Variants in MAP2K5 observed in about 807,000 individuals in gnomAD.
The protein encoded by MAP2K5 is dual specificity mitogen-activated protein kinase kinase 5.
Under a neutral mutation model 83.1 loss-of-function variants are expected in MAP2K5, and 49 were observed. That is an observed-to-expected ratio of 0.59 (90% CI 0.47 to 0.75). The LOEUF (loss-of-function observed/expected upper bound fraction) is 0.75. MAP2K5 is among the 30% of genes least tolerant of loss of function. MAP2K5 has a pLI of 0.00. For synonymous variants in MAP2K5, 202 were observed against 191.8 expected, an observed-to-expected ratio of 1.05 and a Z score of -0.44; for missense variants, 457 against 557.5, an observed-to-expected ratio of 0.82 and a Z score of 1.82.
rs2140959259 is a variant in MAP2K5 at position 67,559,179 on chromosome 15, T to C, written c.185-4104T>C. ...TTTCTTTTCTCTTACCTGGGAAAAG[T>C]GCCTTTGCAGTAGTTCTAATTGCCA... On this transcript the variant is annotated intron_variant, in intron 2 of 21. Coordinates refer to ENST00000178640, the MANE Select transcript of MAP2K5 (RefSeq NM_145160.3). The surrounding 1 kb of genome is among the most constrained non-coding windows in gnomAD (Gnocchi z 4.7). 6.6e-6 allele frequency among the ~76,000 whole-genome samples: 1 copy of C among 152,354 alleles called. No individual in the cohort carries two copies. Among genetic ancestry groups the C allele is most frequent in the East Asian group, 1.9e-4 (1 of 5,186 alleles).
intron 13 of MAP2K5, among the ~76,000 whole-genome samples, chr15:67,683,285 G>A (rs2087867935): frequency 6.6e-6 from 1 of 152,162 alleles, no homozygotes; most frequent in Non-Finnish European, 1.5e-5. Context: ...AATTAGGGGA[G>A]CTGTCCTTAA....
Position 67,746,434 on chromosome 15 carries a change from G to T in MAP2K5, c.1075-1797G>T, listed in dbSNP as rs373106048. On this transcript the variant is annotated intron_variant, in intron 17 of 21. Coordinates refer to ENST00000178640, the MANE Select transcript of MAP2K5 (RefSeq NM_145160.3). This position sits in a 1 kb window ranked among gnomAD's most constrained non-coding sequence, Gnocchi z 4.1. The stretch of plus-strand genomic sequence containing the variant: ...TATATCTTACTAGGAATGTAGGGGT[G>T]GGGGGAGTATCAGTGTGTGCTTGAA... Among the ~76,000 whole-genome samples the T allele has an allele frequency of 5.9e-5, 9 of 151,740 alleles. No homozygotes were observed. Among genetic ancestry groups the T allele is most frequent in the African/African-American group, 9.7e-5 (4 of 41,260 alleles).
chr15:67,748,633 A>G lies in MAP2K5; in HGVS notation c.1134+32A>G, dbSNP rs571283526. On this transcript the variant is annotated intron_variant, in intron 19 of 21. Transcript: ENST00000178640. The surrounding 1 kb of genome is among the most constrained non-coding windows in gnomAD (Gnocchi z 4.0). The stretch of plus-strand genomic sequence containing the variant: ...CATCGTCTTATGTGCTTTCACTCCT[A>G]AAGTCATTCCTAATGGTGTGGAAAG... The G allele has an allele frequency of 1.2e-6, 2 of 1,605,622 alleles. No individual in the cohort carries two copies. The highest frequency in any genetic ancestry group is 1.7e-5 in the Admixed American group (1 of 59,786).
intron 17 of MAP2K5, among the ~76,000 whole-genome samples, chr15:67,735,517 A>G (rs530050655): frequency 1.3e-5 from 2 of 152,208 alleles, no homozygotes; most frequent in South Asian, 4.1e-4. Flanking sequence ...CAAAAATGAA[A>G]CAGATGTGGT....
rs574087396 is a variant in MAP2K5, at chr15:67,725,065, C to G, written c.1045-2851C>G. Among the ~76,000 whole-genome samples, 12 of 152,330 alleles carry G rather than the reference C, an allele frequency of 7.9e-5. No individual in the cohort carries two copies. In the East Asian group the frequency reaches 2.1e-3, roughly 27 times the overall value. On this transcript the variant is annotated intron_variant, in intron 16 of 21. Transcript: ENST00000178640. ...TTCCACAAGATGTCAGGAAATAACA[C>G]TGAAAGCAAAGCCAGACCCATGAAT...
intron 16 of MAP2K5, among the ~76,000 whole-genome samples, chr15:67,712,181 A>G (rs1186707570): frequency 1.3e-5 from 2 of 152,290 alleles, no homozygotes; most frequent in Admixed American, 1.3e-4. Flanking sequence ...TTCCTAGGAC[A>G]CTCGTGATTA....
chr15:67,713,704 C>G (rs1264407322), intron 16 of MAP2K5, among the ~76,000 whole-genome samples: 1 of 152,026 alleles, frequency 6.6e-6, no homozygotes, highest in Non-Finnish European at 1.5e-5. Context: ...CCACTGCACT[C>G]CAGCCTGGGT....
At chr15:67,674,961 G>A (rs1217579428) in intron 13 of MAP2K5, among the ~76,000 whole-genome samples, 11 of 152,120 alleles carry the variant, frequency 7.2e-5, no homozygotes, top group Admixed American at 6.6e-4. Flanking sequence ...TAGCAAATGA[G>A]GATGCAGAAA....
At position 67,632,951 on chromosome 15, in the gene MAP2K5, C is replaced by T. The variant is rs12905357; in HGVS notation, c.585+2024C>T. Among the ~76,000 whole-genome samples the T allele has an allele frequency of 7.8e-3, 1,193 of 152,232 alleles. 17 individuals carry two copies. Among genetic ancestry groups the T allele is most frequent in the South Asian group, 0.032 (154 of 4,824 alleles). Reference sequence around the variant, plus strand: ...TAGCTTGTGAGGGGGTACAACAGAGCTTCCTTTGAGATATTTTCTTTGACA... The same window carrying T: ...TAGCTTGTGAGGGGGTACAACAGAGTTTCCTTTGAGATATTTTCTTTGACA... On this transcript the variant is annotated intron_variant, in intron 9 of 21. Coordinates refer to ENST00000178640, the MANE Select transcript of MAP2K5 (RefSeq NM_145160.3).
intron 21 of MAP2K5, among the ~76,000 whole-genome samples, chr15:67,806,247 G>A (rs938616048): frequency 1.3e-5 from 2 of 152,234 alleles, no homozygotes; most frequent in Non-Finnish European, 2.9e-5. Context: ...TGGTCTCTGG[G>A]CACCAACTGA....
intron 21 of MAP2K5, among the ~76,000 whole-genome samples, chr15:67,804,063 G>A (rs1189830527): frequency 1.3e-5 from 2 of 152,150 alleles, no homozygotes; most frequent in Non-Finnish European, 2.9e-5. Context: ...ACAGGATCCT[G>A]TGACCGTGTG....
chr15:67,731,448 T>C (rs1198483423), intron 17 of MAP2K5, among the ~76,000 whole-genome samples: 1 of 152,234 alleles, frequency 6.6e-6, no homozygotes, highest in Non-Finnish European at 1.5e-5. Context: ...TTGAAAGCAC[T>C]GTTTTAGTTT....
At chr15:67,657,610 ACAGTGGTTTCC>A in intron 11 of MAP2K5, among the ~76,000 whole-genome samples, 1 of 151,840 alleles carries the variant, frequency 6.6e-6, no homozygotes, top group East Asian at 1.9e-4. Context: ...GTTTAGTTAC[ACAGTGGTTTCC>A]CAGTTTCTTG....
chr15:67,687,881 G>A (rs998343494), intron 13 of MAP2K5, among the ~76,000 whole-genome samples: 2 of 152,032 alleles, frequency 1.3e-5, no homozygotes, highest in Non-Finnish European at 2.9e-5. Flanking sequence ...CCTTGAAGAG[G>A]GGAGTACTGA....
chr15:67,686,234 T>C (rs1481744376), intron 13 of MAP2K5, among the ~76,000 whole-genome samples: 1 of 152,188 alleles, frequency 6.6e-6, no homozygotes, highest in Non-Finnish European at 1.5e-5. Flanking sequence ...GACACAACTG[T>C]ACAGTGTTTG....
chr15:67,769,575 T>G lies in MAP2K5; in HGVS notation c.1135-27T>G, dbSNP rs1466027521. 1 of 1,610,844 alleles carries G rather than the reference T, an allele frequency of 6.2e-7. No homozygotes were observed. Among genetic ancestry groups the G allele is most frequent in the Non-Finnish European group, 8.5e-7 (1 of 1,177,174 alleles). The stretch of plus-strand genomic sequence containing the variant: ...AAAGAGAAGGAACTGTTGTGACTTT[T>G]GGTGACATGTTTTTCCTCCATCACA... On this transcript the variant is annotated intron_variant, in intron 19 of 21. Transcript: ENST00000178640. This position sits in a 1 kb window ranked among gnomAD's most constrained non-coding sequence, Gnocchi z 5.2.
At chr15:67,583,306 G>A (rs1454600088) in intron 4 of MAP2K5, among the ~76,000 whole-genome samples, 1 of 152,122 alleles carries the variant, frequency 6.6e-6, no homozygotes, top group Non-Finnish European at 1.5e-5. Context: ...GGAGTGGAGA[G>A]GAGTATGTTA....
At chr15:67,624,287 C>T (rs1447733164) in intron 8 of MAP2K5, among the ~76,000 whole-genome samples, 3 of 136,540 alleles carry the variant, frequency 2.2e-5, no homozygotes, top group African/African-American at 5.5e-5. Context: ...GGCAGTGAGC[C>T]GAGATCGCGC....
At chr15:67,804,389 TGGGGTAAAGTATC>T (rs1390717617) in intron 21 of MAP2K5, among the ~76,000 whole-genome samples, 1 of 151,986 alleles carries the variant, frequency 6.6e-6, no homozygotes, top group Non-Finnish European at 1.5e-5. Context: ...CCCTTGCAGG[TGGGGTAAAGTATC>T]GGGGATACAA....
Sources: gnomAD v4.1 joint callset for allele counts (sites outside exome capture counted in the v4.1 genomes callset) on GRCh38, gnomAD v4.1.1 for gene constraint, Gnocchi (gnomAD v3.1) non-coding constraint, MANE v1.5 for transcripts, NCBI Gene and HGNC (gene_info 2026-07-23, HGNC 2026-07-21) for gene names.